Variants in ARMH3 observed in about 807,000 individuals in gnomAD.
ARMH3 encodes armadillo-like helical domain-containing protein 3.
ARMH3 carries 60 observed loss-of-function variants against 99.1 expected under a neutral mutation model. The observed-to-expected ratio is 0.61, with a 90% confidence interval of 0.49 to 0.75. ARMH3 has a LOEUF of 0.75. Among genes scored for constraint, ARMH3 ranks in the 30% least tolerant of loss-of-function variants. The pLI, the probability that ARMH3 is intolerant of heterozygous loss-of-function variation, is 0.00. For synonymous variants in ARMH3, 285 were observed against 292.8 expected, an observed-to-expected ratio of 0.97 and a Z score of 0.27; for missense variants, 679 against 843.1, an observed-to-expected ratio of 0.81 and a Z score of 2.41.
rs1564681499 is a variant in ARMH3 at position 101,846,274 on chromosome 10, C to A, written c.*1254G>T. On this transcript the variant is annotated 3_prime_UTR_variant, in exon 26 of 26. Transcript: ENST00000370033. Reference sequence around the variant, plus strand: ...AATAGATTCCTCCCCAGAGGAAATTCTCAGGCAGGTTGGATGTAAACAACA... The same window carrying A: ...AATAGATTCCTCCCCAGAGGAAATTATCAGGCAGGTTGGATGTAAACAACA... 6.6e-6 allele frequency: 1 copy of A among 152,384 alleles called. No homozygotes were observed. The highest frequency in any genetic ancestry group is 1.5e-5 in the Non-Finnish European group (1 of 68,058). The allele number at this position is 152,384 out of a possible 1,614,324, so 9.4% of individuals were successfully genotyped here.
intron 15 of ARMH3, among the ~76,000 whole-genome samples, chr10:102,001,506 T>C (rs971834753): frequency 5.3e-5 from 8 of 152,214 alleles, no homozygotes; most frequent in East Asian, 1.9e-4. Context: ...AGGATGGGTA[T>C]TGACACTTCT....
At chr10:101,938,896 C>A (rs1339533351) in intron 23 of ARMH3, among the ~76,000 whole-genome samples, 2 of 152,206 alleles carry the variant, frequency 1.3e-5, no homozygotes, top group Non-Finnish European at 2.9e-5. Flanking sequence ...TCCCAGCCCT[C>A]TTAACACACA....
intron 8 of ARMH3, among the ~76,000 whole-genome samples, chr10:102,014,775 T>A (rs1400062565): frequency 6.6e-6 from 1 of 152,192 alleles, no homozygotes; most frequent in African/African-American, 2.4e-5. Flanking sequence ...TGGTCATATA[T>A]TTAAACTCAT....
intron 24 of ARMH3, among the ~76,000 whole-genome samples, chr10:101,861,762 G>A (rs1310067674): frequency 1.4e-5 from 2 of 143,164 alleles, no homozygotes; most frequent in African/African-American, 5.1e-5. Flanking sequence ...GCTGGGCGCA[G>A]TGACTCACAC....
At chr10:101,883,766 T>A (rs562005685) in intron 24 of ARMH3, among the ~76,000 whole-genome samples, 2 of 151,912 alleles carry the variant, frequency 1.3e-5, no homozygotes, top group African/African-American at 4.8e-5. Flanking sequence ...CAAAGGTGGG[T>A]GGATTGCCTG....
Position 102,002,018 on chromosome 10 carries a change from A to G in ARMH3, c.1103T>C (p.Leu368Pro). 1 of 1,614,216 alleles carries G rather than the reference A, an allele frequency of 6.2e-7. No individual in the cohort carries two copies. Among genetic ancestry groups the G allele is most frequent in the Non-Finnish European group, 8.5e-7 (1 of 1,180,026 alleles). ...TGAGCTATACTTTAAAAAGGTTATC[A>G]GTAGATTACTGGTCTGTACATCTGC... ...LDADVQTSNL[L>P]ITFLKYSSIV... is the part of the protein sequence containing the mutation. Residue 368 changes from leucine (L) to proline (P), a missense_variant, in exon 15 of 26, where the codon CTG becomes CCG. Leu to Pro is a moderately conservative substitution (Grantham distance 98, BLOSUM62 -3). Transcript: ENST00000370033.
intron 24 of ARMH3, among the ~76,000 whole-genome samples, chr10:101,882,494 T>C (rs1299236391): frequency 6.6e-6 from 1 of 152,180 alleles, no homozygotes; most frequent in Non-Finnish European, 1.5e-5. Context: ...AAGTATGAGG[T>C]ACTTTACTTT....
At chr10:102,012,052 C>T (rs1181527002) in intron 10 of ARMH3, among the ~76,000 whole-genome samples, 2 of 152,192 alleles carry the variant, frequency 1.3e-5, no homozygotes, top group Non-Finnish European at 2.9e-5. Flanking sequence ...TATAGCTGAT[C>T]CAGTTACTTC....
intron 8 of ARMH3, among the ~76,000 whole-genome samples, chr10:102,023,187 CA>C (rs57196032): frequency 0.95 from 121,872 of 128,900 alleles, 57,698 homozygotes; most frequent in South Asian, 0.99. Flanking sequence ...AAATCCGTCT[CA>C]AAAAAAAAAA....
rs7086472 is a variant in ARMH3, at chr10:101,906,281, G to A, written c.1782-16791C>T. 4.2e-3 allele frequency among the ~76,000 whole-genome samples: 635 copies of A among 152,310 alleles called. 9 individuals are homozygous for A. Among genetic ancestry groups the A allele is most frequent in the African/African-American group, 0.014 (589 of 41,562 alleles). On this transcript the variant is annotated intron_variant, in intron 23 of 25. Transcript: ENST00000370033. ...TTCTCAAGGAAATGTACCTAGGGGT[G>A]AAGTTACTGGGTCATAAGGTTTGGG... is the stretch of plus-strand genomic sequence containing the variant.
chr10:102,037,481 GC>G (rs2067305582), intron 2 of ARMH3, among the ~76,000 whole-genome samples: 1 of 151,950 alleles, frequency 6.6e-6, no homozygotes, highest in Non-Finnish European at 1.5e-5. Flanking sequence ...ACCACACCTA[GC>G]CTCTTCTGGA....
At chr10:101,959,871 C>T (rs1344525022) in intron 20 of ARMH3, among the ~76,000 whole-genome samples, 1 of 152,154 alleles carries the variant, frequency 6.6e-6, no homozygotes, top group Admixed American at 6.5e-5. Context: ...GGTCTTCTCA[C>T]TTGGAAGTAA....
chr10:102,010,844 C>T (rs1590179444), intron 11 of ARMH3, among the ~76,000 whole-genome samples: 1 of 152,164 alleles, frequency 6.6e-6, no homozygotes, highest in South Asian at 2.1e-4. Flanking sequence ...AGAGACTTCA[C>T]TCATTTACAT....
intron 13 of ARMH3, among the ~76,000 whole-genome samples, chr10:102,007,033 T>C (rs1395551829): frequency 1.3e-5 from 2 of 151,542 alleles, no homozygotes; most frequent in Admixed American, 6.6e-5. Context: ...TGGTGGTGCA[T>C]GCCTGTAGTC....
At chr10:101,962,276 C>T (rs1157055760) in intron 20 of ARMH3, among the ~76,000 whole-genome samples, 2 of 152,194 alleles carry the variant, frequency 1.3e-5, no homozygotes, top group African/African-American at 2.4e-5. Context: ...CCTGGGAATG[C>T]GCTGTCCCAA....
chr10:102,006,712 A>T (rs1191599764), intron 13 of ARMH3, 79 bp from the exon 14 acceptor site: 18 of 1,343,284 alleles, frequency 1.3e-5, no homozygotes. Flanking sequence ...ACCAATAAGG[A>T]CTGGTATTCT....
intron 23 of ARMH3, among the ~76,000 whole-genome samples, chr10:101,897,187 C>T (rs562769759): frequency 2.0e-5 from 3 of 152,242 alleles, no homozygotes; most frequent in East Asian, 3.9e-4. Flanking sequence ...AGGAGTTCTA[C>T]CCACAGACAG....
chr10:101,926,216 C>T (rs1464565220), intron 23 of ARMH3, among the ~76,000 whole-genome samples: 1 of 152,134 alleles, frequency 6.6e-6, no homozygotes, highest in Non-Finnish European at 1.5e-5. Flanking sequence ...GAGACAAGGT[C>T]TCACTCTGTC....
chr10:101,892,988 A>C (rs1023537815), intron 23 of ARMH3, among the ~76,000 whole-genome samples: 7 of 152,226 alleles, frequency 4.6e-5, no homozygotes, highest in African/African-American at 1.7e-4. Context: ...AGTAGGAAAG[A>C]ATTTTATGAC....
Sources: allele counts gnomAD v4.1 joint callset (sites outside exome capture counted in the v4.1 genomes callset), GRCh38; gene constraint gnomAD v4.1.1; transcripts MANE v1.5; gene names NCBI Gene and HGNC (gene_info 2026-07-23, HGNC 2026-07-21).